Variants in RBFOX1 observed in about 807,000 individuals in gnomAD.
The protein encoded by RBFOX1 is RNA binding fox-1 homolog 1.
A neutral mutation model predicts 57.7 loss-of-function variants in RBFOX1; 8 were observed. That is an observed-to-expected ratio of 0.14 (90% CI 0.08 to 0.25). The LOEUF is 0.25. Among genes scored for constraint, RBFOX1 ranks in the 10% least tolerant of loss-of-function variants. The pLI is 1.00. For synonymous variants in RBFOX1, 326 were observed against 222.4 expected (o/e 1.47, Z -4.15); for missense variants, 611 against 548.5 (o/e 1.11, Z -1.14).
intron 1 of RBFOX1, among the ~76,000 whole-genome samples, chr16:6,145,074 G>T (rs943736414): frequency 1.3e-5 from 2 of 151,918 alleles, no homozygotes; most frequent in African/African-American, 4.8e-5. Flanking sequence ...ACAAGTGCAG[G>T]TTTGTTACAC....
intron 2 of RBFOX1, among the ~76,000 whole-genome samples, chr16:6,553,932 A>T (rs1013981188): frequency 3.3e-5 from 5 of 152,166 alleles, no homozygotes; most frequent in Non-Finnish European, 7.3e-5. Context: ...ATTCCCAACA[A>T]TTAAGTGTGA....
At chr16:6,959,609 C>T (rs968896062) in intron 3 of RBFOX1, among the ~76,000 whole-genome samples, 1 of 152,136 alleles carries the variant, frequency 6.6e-6, no homozygotes, top group African/African-American at 2.4e-5. Context: ...TCTGTAACAA[C>T]TGTTCCAGCA....
At chr16:6,977,406 G>C (rs2087323684) in intron 3 of RBFOX1, among the ~76,000 whole-genome samples, 2 of 152,008 alleles carry the variant, frequency 1.3e-5, no homozygotes, top group Admixed American at 6.6e-5. Flanking sequence ...GTCTGGTTCT[G>C]TTTAGCAAAC....
intron 11 of RBFOX1, among the ~76,000 whole-genome samples, chr16:7,638,067 G>GATCT (rs1555698821): frequency 6.6e-6 from 1 of 152,124 alleles, no homozygotes; most frequent in Non-Finnish European, 1.5e-5. Flanking sequence ...ATTAAAACAT[G>GATCT]ATCTATCTCC....
chr16:6,594,529 G>A (rs1193858272), intron 2 of RBFOX1, among the ~76,000 whole-genome samples: 1 of 152,072 alleles, frequency 6.6e-6, no homozygotes, highest in African/African-American at 2.4e-5. Context: ...CAGTGCCTCT[G>A]ATTTTCCAGG....
intron 3 of RBFOX1, among the ~76,000 whole-genome samples, chr16:6,852,448 T>C (rs2094122134): frequency 6.6e-6 from 1 of 152,216 alleles, no homozygotes; most frequent in Non-Finnish European, 1.5e-5. Flanking sequence ...TGACCTGAGA[T>C]ATCTGAGTGG....
chr16:7,435,950 C>T lies in RBFOX1; in HGVS notation c.28-82197C>T, dbSNP rs141957732. 1.6e-3 allele frequency among the ~76,000 whole-genome samples: 246 copies of T among 152,302 alleles called. No homozygotes were observed. In the Middle Eastern group the frequency reaches 0.02, roughly 13 times the overall value. ...TTGAAGTACGTCAACATTACTGCAG[C>T]ACGTCATTCCTTTTATGACATAGCG... On this transcript the variant is annotated intron_variant, in intron 4 of 15. Transcript: ENST00000550418.
chr16:7,352,557 T>A (rs1270062670), intron 4 of RBFOX1, among the ~76,000 whole-genome samples: 2 of 152,094 alleles, frequency 1.3e-5, no homozygotes, highest in Non-Finnish European at 2.9e-5. Flanking sequence ...TAGGGCCCTT[T>A]GCAGCCATTC....
intron 4 of RBFOX1, among the ~76,000 whole-genome samples, chr16:5,920,912 G>A (rs948503774): frequency 6.3e-5 from 6 of 95,508 alleles, no homozygotes; most frequent in Non-Finnish European, 1.4e-4. Flanking sequence ...CTATTTGTAC[G>A]TGCAGTGGTG....
At chr16:7,303,231 C>A (rs192658462) in intron 4 of RBFOX1, among the ~76,000 whole-genome samples, 94 of 152,364 alleles carry the variant, frequency 6.2e-4, no homozygotes, top group African/African-American at 2.1e-3. Context: ...GCGAAAGCTG[C>A]GCCCCAAACG....
At chr16:6,808,970 G>A (rs2087689217) in intron 3 of RBFOX1, among the ~76,000 whole-genome samples, 1 of 152,150 alleles carries the variant, frequency 6.6e-6, no homozygotes, top group Non-Finnish European at 1.5e-5. Flanking sequence ...AGTCCTTGTG[G>A]ATGAACTGTA....
intron 4 of RBFOX1, among the ~76,000 whole-genome samples, chr16:7,219,405 A>T (rs998617895): frequency 6.6e-6 from 1 of 152,198 alleles, no homozygotes; most frequent in Non-Finnish European, 1.5e-5. Flanking sequence ...CGTTAAGAGT[A>T]ATTGATGAGC....
At chr16:6,446,884 G>A (rs1470967980) in intron 2 of RBFOX1, among the ~76,000 whole-genome samples, 3 of 152,126 alleles carry the variant, frequency 2.0e-5, no homozygotes, top group Non-Finnish European at 4.4e-5. Context: ...ACCTAAAAGT[G>A]TTTGGATTTC....
rs56232477 is a variant in RBFOX1, at chr16:7,504,257, T to C, written c.28-13890T>C. On this transcript the variant is annotated intron_variant, in intron 4 of 15. Coordinates refer to ENST00000550418, the MANE Select transcript of RBFOX1 (RefSeq NM_018723.4). ...CTGTGGGTTGCATTGATGGAAGTTCTATTTATAGAACATTTAGGGCAGTGG... is the reference window on the plus strand; with the variant it reads ...CTGTGGGTTGCATTGATGGAAGTTCCATTTATAGAACATTTAGGGCAGTGG... Among the ~76,000 whole-genome samples, 908 of 152,180 alleles carry C rather than the reference T, an allele frequency of 6.0e-3. 14 individuals are homozygous for C. The highest frequency in any genetic ancestry group is 0.021 in the African/African-American group (851 of 41,512).
At chr16:6,531,753 A>G (rs999757549) in intron 2 of RBFOX1, among the ~76,000 whole-genome samples, 1 of 152,154 alleles carries the variant, frequency 6.6e-6, no homozygotes, top group African/African-American at 2.4e-5. Context: ...AAGGGATTAC[A>G]TGAGAACAAA....
chr16:7,580,916 T>C (rs1423396435), intron 6 of RBFOX1, among the ~76,000 whole-genome samples: 1 of 152,202 alleles, frequency 6.6e-6, no homozygotes, highest in Non-Finnish European at 1.5e-5. Flanking sequence ...TCAGAGACTC[T>C]TCCTCTAAGA....
intron 3 of RBFOX1, among the ~76,000 whole-genome samples, chr16:6,966,749 A>ATCTG (rs1163222592): frequency 1.4e-5 from 2 of 147,138 alleles, no homozygotes; most frequent in Non-Finnish European, 3.0e-5. Context: ...GCCTGCCTCT[A>ATCTG]TCTGTCTGTC....
intron 1 of RBFOX1, among the ~76,000 whole-genome samples, chr16:6,083,249 C>T (rs1490083358): frequency 3.3e-5 from 5 of 152,064 alleles, no homozygotes; most frequent in South Asian, 2.1e-4. Context: ...GTGATCTGCC[C>T]GCCTCGGCCT....
intron 3 of RBFOX1, among the ~76,000 whole-genome samples, chr16:6,901,355 C>A (rs909058285): frequency 6.6e-6 from 1 of 152,124 alleles, no homozygotes; most frequent in Non-Finnish European, 1.5e-5. Flanking sequence ...AATGTCCCAC[C>A]TAGCAAGGCC....
Sources: allele counts gnomAD v4.1 joint callset (sites outside exome capture counted in the v4.1 genomes callset), GRCh38; gene constraint gnomAD v4.1.1; transcripts MANE v1.5; gene names NCBI Gene and HGNC (gene_info 2026-07-23, HGNC 2026-07-21).